The following SNX24 variants were observed in gnomAD, a reference collection of about 807,000 sequenced individuals.
The protein encoded by SNX24 is sorting nexin-24.
A neutral mutation model predicts 28.7 loss-of-function variants in SNX24; 22 were observed. That is an observed-to-expected ratio of 0.77 (90% CI 0.55 to 1.10). The LOEUF (loss-of-function observed/expected upper bound fraction) is 1.10, where lower values mean the gene tolerates loss of function less well. SNX24 is among the 50% of genes least tolerant of loss of function. The pLI, the probability that SNX24 is intolerant of heterozygous loss-of-function variation, is 0.00. For synonymous variants in SNX24, 69 were observed against 71.5 expected, an observed-to-expected ratio of 0.96 and a Z score of 0.18; for missense variants, 221 against 201.1, an observed-to-expected ratio of 1.10 and a Z score of -0.60.
exon 6 of SNX24, chr5:123,029,296 G>C (rs757318789): frequency 5.6e-6 from 9 of 1,613,908 alleles, no homozygotes; most frequent in Admixed American, 1.7e-5. Flanking sequence ...AAATAAAATT[G>C]AGACATACCT....
At chr5:122,883,640 T>C (rs1034754350) in intron 1 of SNX24, among the ~76,000 whole-genome samples, 2 of 152,110 alleles carry the variant, frequency 1.3e-5, no homozygotes, top group Non-Finnish European at 2.9e-5. Context: ...GGTTGTCACA[T>C]TATTTATTCT....
chr5:122,941,414 G>T (rs1174627065), intron 2 of SNX24, among the ~76,000 whole-genome samples: 1 of 152,056 alleles, frequency 6.6e-6, no homozygotes, highest in Non-Finnish European at 1.5e-5. Context: ...GGTAAAAATG[G>T]CTACCCACCT....
intron 6 of SNX24, among the ~76,000 whole-genome samples, chr5:123,003,990 A>T (rs138908913): frequency 6.6e-6 from 1 of 152,266 alleles, no homozygotes; most frequent in East Asian, 1.9e-4. Context: ...TATTCTTGCA[A>T]ATCTTTAGCA....
At chr5:122,878,009 A>G (rs1331732239) in intron 1 of SNX24, among the ~76,000 whole-genome samples, 1 of 152,106 alleles carries the variant, frequency 6.6e-6, no homozygotes, top group African/African-American at 2.4e-5. Context: ...TGGACTGGCA[A>G]GGTGTTGAGG....
chr5:123,009,051 A>C lies in SNX24; in HGVS notation c.*1302A>C. ...TTTAAGCCTGCTGCAAACTTTTAAA[A>C]TATTATGATAGATTCTGTACTACAT... On this transcript the variant is annotated 3_prime_UTR_variant, in exon 7 of 7. Coordinates refer to ENST00000261369, the MANE Select transcript of SNX24 (RefSeq NM_014035.4). The C allele has an allele frequency of 1.0e-6, 1 of 985,424 alleles. No individual in the cohort carries two copies. Among genetic ancestry groups the C allele is most frequent in the Non-Finnish European group, 1.2e-6 (1 of 829,524 alleles). The allele number at this position is 985,424 out of a possible 1,614,324, so 61.0% of individuals were successfully genotyped here.
At position 122,913,400 on chromosome 5, in the gene SNX24, C is replaced by T. The variant is rs1034571133; in HGVS notation, c.61-23334C>T. Among the ~76,000 whole-genome samples, 26 of 151,042 alleles carry T rather than the reference C, an allele frequency of 1.7e-4. 1 individual carries two copies. The highest frequency in any genetic ancestry group is 2.2e-4 in the Non-Finnish European group (15 of 67,442). Reference sequence around the variant, plus strand: ...CGGCTGGCTGGGCGGGTGGCTGACCCCCCACCTCCCTCCCGGACGGGGCGG... The same window carrying T: ...CGGCTGGCTGGGCGGGTGGCTGACCTCCCACCTCCCTCCCGGACGGGGCGG... On this transcript the variant is annotated intron_variant, in intron 1 of 6. Coordinates refer to ENST00000261369, the MANE Select transcript of SNX24 (RefSeq NM_014035.4).
chr5:122,849,100 A>G (rs1754782497), intron 1 of SNX24, among the ~76,000 whole-genome samples: 1 of 152,206 alleles, frequency 6.6e-6, no homozygotes, highest in Non-Finnish European at 1.5e-5. Flanking sequence ...GCCCACTACT[A>G]GGATTTCTGT....
chr5:122,924,390 A>G (rs1281630276), intron 1 of SNX24, among the ~76,000 whole-genome samples: 1 of 152,192 alleles, frequency 6.6e-6, no homozygotes, highest in Non-Finnish European at 1.5e-5. Flanking sequence ...TCCTACAGCT[A>G]GTTAAGTGAC....
chr5:122,871,430 G>A (rs191392452), intron 1 of SNX24, among the ~76,000 whole-genome samples: 10 of 152,232 alleles, frequency 6.6e-5, no homozygotes, highest in Middle Eastern at 3.4e-3. Flanking sequence ...TTCTGATTCC[G>A]CAAAAGTGCA....
chr5:122,852,670 C>A (rs1294547623), intron 1 of SNX24, among the ~76,000 whole-genome samples: 2 of 152,112 alleles, frequency 1.3e-5, no homozygotes, highest in Non-Finnish European at 2.9e-5. Context: ...CACTTTTCTC[C>A]CTAGAACCCC....
rs1170994494 is a variant in SNX24 at position 123,029,200 on chromosome 5, GT to G, written n.384-36del. On this transcript the variant is annotated intron_variant and non_coding_transcript_variant, in intron 5 of 5. Coordinates refer to the SNX24 transcript ENST00000502387. ...GGAAAATAAAGTCAAATGTGGTAAG[GT>G]TCATCTGACATACTAATTTAATACT... 10 of 1,582,752 alleles carry G rather than the reference GT, an allele frequency of 6.3e-6. No homozygotes were observed. In the Admixed American group the frequency reaches 1.8e-4, roughly 28 times the overall value.
chr5:122,892,654 T>C (rs1757023075), intron 1 of SNX24, among the ~76,000 whole-genome samples: 2 of 152,032 alleles, frequency 1.3e-5, no homozygotes, highest in Non-Finnish European at 2.9e-5. Context: ...GCCAGGCTGC[T>C]CTTGAACTCC....
chr5:122,850,677 T>C (rs1754870684), intron 1 of SNX24, among the ~76,000 whole-genome samples: 1 of 151,774 alleles, frequency 6.6e-6, no homozygotes, highest in Non-Finnish European at 1.5e-5. Context: ...GATATTTCAT[T>C]TGGGCACCCA....
At chr5:122,947,291 A>G (rs570418307) in intron 3 of SNX24, among the ~76,000 whole-genome samples, 78 of 152,152 alleles carry the variant, frequency 5.1e-4, no homozygotes, top group Non-Finnish European at 5.9e-4. Context: ...ACAGAGCTCT[A>G]TGAATGGCTG....
rs1417367788 is a variant in SNX24, at chr5:122,949,305, T to C, written c.249+3146T>C. Among the ~76,000 whole-genome samples the C allele has an allele frequency of 2.0e-5, 3 of 152,194 alleles. No homozygotes were observed. In the East Asian group the frequency reaches 5.8e-4, roughly 29 times the overall value. On this transcript the variant is annotated intron_variant, in intron 3 of 6. Coordinates refer to ENST00000261369, the MANE Select transcript of SNX24 (RefSeq NM_014035.4). Reference sequence around the variant, plus strand: ...CTTGAAAATAAACATATCATATTAGTCTTCAAGATACAATTTATAAATACA... The same window carrying C: ...CTTGAAAATAAACATATCATATTAGCCTTCAAGATACAATTTATAAATACA...
intron 1 of SNX24, among the ~76,000 whole-genome samples, chr5:122,869,248 C>A (rs1755870542): frequency 6.6e-6 from 1 of 152,150 alleles, no homozygotes; most frequent in African/African-American, 2.4e-5. Context: ...TGGTAAATGA[C>A]CTTTAAATGT....
intron 1 of SNX24, among the ~76,000 whole-genome samples, chr5:122,872,893 G>C (rs1437373859): frequency 6.6e-6 from 1 of 151,516 alleles, no homozygotes; most frequent in Non-Finnish European, 1.5e-5. Context: ...GTAGAATTTT[G>C]ACTCCTATCA....
chr5:122,927,349 A>G (rs1052547471), intron 1 of SNX24, among the ~76,000 whole-genome samples: 18 of 151,926 alleles, frequency 1.2e-4, no homozygotes, highest in African/African-American at 4.1e-4. Flanking sequence ...AATGATATCA[A>G]TATTGTAATT....
chr5:122,967,604 C>G (rs540706367), intron 3 of SNX24, among the ~76,000 whole-genome samples: 5 of 152,282 alleles, frequency 3.3e-5, no homozygotes, highest in African/African-American at 1.2e-4. Context: ...TATTAATATA[C>G]CATTTAGACC....
Sources: gnomAD v4.1 joint callset for allele counts (sites outside exome capture counted in the v4.1 genomes callset) on GRCh38, gnomAD v4.1.1 for gene constraint, MANE v1.5 for transcripts, NCBI Gene and HGNC (gene_info 2026-07-23, HGNC 2026-07-21) for gene names.